The following FAM78A variants were observed in gnomAD, a reference collection of about 807,000 sequenced individuals.
FAM78A encodes the protein protein FAM78A.
FAM78A carries 12 observed loss-of-function variants against 22.6 expected under a neutral mutation model. The observed-to-expected ratio is 0.53, with a 90% confidence interval of 0.34 to 0.86. FAM78A has a LOEUF of 0.86. Among genes scored for constraint, FAM78A ranks in the 40% least tolerant of loss-of-function variants. The pLI is 0.02. For synonymous variants in FAM78A, 151 were observed against 155.8 expected, an observed-to-expected ratio of 0.97 and a Z score of 0.23; for missense variants, 322 against 396.1, an observed-to-expected ratio of 0.81 and a Z score of 1.59.
chr9:131,269,663 G>A (rs1221653030), intron 1 of FAM78A, among the ~76,000 whole-genome samples: 1 of 152,054 alleles, frequency 6.6e-6, no homozygotes, highest in Non-Finnish European at 1.5e-5. Context: ...TTTTAGTAGA[G>A]ACAGGGTTTC....
At chr9:131,270,556 G>A (rs1331656661) in intron 1 of FAM78A, 2 of 714,062 alleles carry the variant, frequency 2.8e-6, no homozygotes, top group Non-Finnish European at 2.6e-6. Flanking sequence ...TCTTTAGGCT[G>A]GGTCATCCCC....
At chr9:131,277,875 C>T (rs1374211945), upstream of FAM78A, among the ~76,000 whole-genome samples, 1 of 151,396 alleles carries the variant, frequency 6.6e-6, no homozygotes, top group East Asian at 1.9e-4. The surrounding 1 kb of genome is among the most constrained non-coding windows in gnomAD (Gnocchi z 8.4). Context: ...CCCGCGCTGC[C>T]TCGCTCTGCT....
Position 131,271,470 on chromosome 9 carries a change from G to T in FAM78A, c.323+4387C>A, listed in dbSNP as rs115615627. Among the ~76,000 whole-genome samples, 737 of 152,344 alleles carry T rather than the reference G, an allele frequency of 4.8e-3. 10 individuals carry two copies. The highest frequency in any genetic ancestry group is 0.017 in the African/African-American group (711 of 41,570). On this transcript the variant is annotated intron_variant, in intron 1 of 1. Transcript: ENST00000372271. ...TAAGGTCTTATCATCACAAGCCTATGAGAGAAGACTCATATTCCCATGTCA... is the reference window on the plus strand; with the variant it reads ...TAAGGTCTTATCATCACAAGCCTATTAGAGAAGACTCATATTCCCATGTCA...
chr9:131,269,108 A>G (rs1268789814), intron 1 of FAM78A, among the ~76,000 whole-genome samples: 1 of 151,470 alleles, frequency 6.6e-6, no homozygotes, highest in Non-Finnish European at 1.5e-5. Context: ...TCTCAAAAAA[A>G]AAAAAAAAAA....
intron 1 of FAM78A, among the ~76,000 whole-genome samples, chr9:131,268,143 C>T (rs192988722): frequency 1.3e-3 from 193 of 152,152 alleles, no homozygotes; most frequent in African/African-American, 4.3e-3. Context: ...CAGTCCCTCA[C>T]ACAGGCTGGG....
intron 1 of FAM78A, among the ~76,000 whole-genome samples, chr9:131,270,097 T>G (rs1835398876): frequency 6.7e-6 from 1 of 148,866 alleles, no homozygotes; most frequent in African/African-American, 2.5e-5. Flanking sequence ...TCCCAGCTAC[T>G]TGGGAGGCAG....
rs1835330226 is a variant in FAM78A at position 131,265,270 on chromosome 9, T to C, written c.324-3920A>G. ...TATCTTAACCACCTTTCTCCTTTTT[T>C]TTGAGACAGAGTTTCACTCTTCCTG... On this transcript the variant is annotated intron_variant, in intron 1 of 1. Coordinates refer to ENST00000372271, the MANE Select transcript of FAM78A (RefSeq NM_033387.4). The surrounding 1 kb of genome is among the most constrained non-coding windows in gnomAD (Gnocchi z 4.3). 6.6e-6 allele frequency among the ~76,000 whole-genome samples: 1 copy of C among 152,212 alleles called. No homozygotes were observed. The highest frequency in any genetic ancestry group is 1.5e-5 in the Non-Finnish European group (1 of 68,040).
intron 1 of FAM78A, among the ~76,000 whole-genome samples, chr9:131,268,785 C>T (rs1351779261): frequency 1.3e-5 from 2 of 151,632 alleles, no homozygotes; most frequent in East Asian, 1.9e-4. Context: ...CCCAGCTACT[C>T]GGGAGGCTGA....
At chr9:131,270,198 C>T in intron 1 of FAM78A, 1 of 703,848 alleles carries the variant, frequency 1.4e-6, no homozygotes, top group African/African-American at 1.8e-5. Context: ...AAGAGTGAAA[C>T]TGCATCTCAA....
At chr9:131,270,693 C>T (rs1442080529) in intron 1 of FAM78A, among the ~76,000 whole-genome samples, 1 of 152,178 alleles carries the variant, frequency 6.6e-6, no homozygotes, top group African/African-American at 2.4e-5. Flanking sequence ...AAGCCTCCTC[C>T]TCAATTGTTC....
In FAM78A at chr9:131,265,544, C is replaced by T. The variant is rs941938569; in HGVS notation, c.324-4194G>A. Among the ~76,000 whole-genome samples the T allele has an allele frequency of 8.6e-5, 13 of 151,936 alleles. No individual in the cohort carries two copies. Among genetic ancestry groups the T allele is most frequent in the African/African-American group, 2.4e-4 (10 of 41,420 alleles). On this transcript the variant is annotated intron_variant, in intron 1 of 1. Coordinates refer to ENST00000372271, the MANE Select transcript of FAM78A (RefSeq NM_033387.4). This position sits in a 1 kb window ranked among gnomAD's most constrained non-coding sequence, Gnocchi z 4.3. ...GATTACAGGCGTGAGCCACCATGCCCGGCCTAATTTTTATATTTTTTTAGT... is the reference window on the plus strand; with the variant it reads ...GATTACAGGCGTGAGCCACCATGCCTGGCCTAATTTTTATATTTTTTTAGT...
rs1835223417 is a variant in FAM78A, at chr9:131,258,919, G to GGACC, written c.*1902_*1903insGGTC. Reference sequence around the variant, plus strand: ...TGCCAGCCGGCAGCTCCAGCCCAGTGTGTCCCAGGACAGCCTCCTGGCACG... The same window carrying GGACC: ...TGCCAGCCGGCAGCTCCAGCCCAGTGGACCTGTCCCAGGACAGCCTCCTGGCACG... On this transcript the variant is annotated 3_prime_UTR_variant, in exon 2 of 2. Coordinates refer to ENST00000372271, the MANE Select transcript of FAM78A (RefSeq NM_033387.4). The GGACC allele has an allele frequency of 6.6e-6, 1 of 152,484 alleles. No individual in the cohort carries two copies. The highest frequency in any genetic ancestry group is 1.5e-5 in the Non-Finnish European group (1 of 68,040). 9.4% of individuals were successfully genotyped at this position (152,484 alleles called of 1,614,324 possible). A position where few individuals can be genotyped will look rare whatever the true frequency, so the allele number is the denominator to read the frequency against.
At position 131,258,132 on chromosome 9, in the gene FAM78A, T is replaced by TAA. The variant is rs34529035; in HGVS notation, c.*2688_*2689dup. ...ATGAATATTTGCTTTTTGTTTTTTG[T>TAA]AAAAAAAAAAAGGTTCATTGTACAT... On this transcript the variant is annotated 3_prime_UTR_variant, in exon 2 of 2. Transcript: ENST00000372271. The TAA allele has an allele frequency of 3.6e-3, 534 of 149,590 alleles. 5 individuals carry two copies. The highest frequency in any genetic ancestry group is 7.5e-3 in the African/African-American group (306 of 40,936). The allele number at this position is 149,590 out of a possible 1,614,324, so 9.3% of individuals were successfully genotyped here.
intron 1 of FAM78A, chr9:131,262,609 T>G (rs2131154135): frequency 6.6e-6 from 1 of 152,054 alleles, no homozygotes; most frequent in Non-Finnish European, 1.5e-5. Context: ...TTCCTAGAAT[T>G]AATCACAATA....
rs549643969 is a variant in FAM78A at position 131,260,667 on chromosome 9, C to T, written c.*155G>A. 1.5e-5 allele frequency: 13 copies of T among 850,452 alleles called. No individual in the cohort carries two copies. The highest frequency in any genetic ancestry group is 1.1e-4 in the East Asian group (4 of 34,878). The allele number at this position is 850,452 out of a possible 1,614,324, so 52.7% of individuals were successfully genotyped here. A position where few individuals can be genotyped will look rare whatever the true frequency, so the allele number is the denominator to read the frequency against. ...CTGAAAGGAAGCAGGTGCCGAGAGC[C>T]GGGGAGGCCTTCCCGGGGGCATCAG... On this transcript the variant is annotated 3_prime_UTR_variant, in exon 2 of 2. Transcript: ENST00000372271. The surrounding 1 kb of genome is among the most constrained non-coding windows in gnomAD (Gnocchi z 5.4).
intron 1 of FAM78A, among the ~76,000 whole-genome samples, chr9:131,269,545 C>T (rs111459518): frequency 9.2e-5 from 14 of 151,902 alleles, no homozygotes; most frequent in African/African-American, 2.9e-4. Context: ...GGCGTGATCT[C>T]GGCTCACGGT....
rs1835484101 is a variant in FAM78A at position 131,276,344 on chromosome 9, C to T, written c.-165G>A. On this transcript the variant is annotated 5_prime_UTR_variant, in exon 1 of 2. Coordinates refer to ENST00000372271, the MANE Select transcript of FAM78A (RefSeq NM_033387.4). The surrounding 1 kb of genome is among the most constrained non-coding windows in gnomAD (Gnocchi z 4.3). ...AAGGATTCTGCTGCATTTCATGAGC[C>T]CTGGGCTCTCTCTTCTTCTCCTCGC... The T allele has an allele frequency of 3.5e-6, 2 of 571,866 alleles. No homozygotes were observed. Among genetic ancestry groups the T allele is most frequent in the East Asian group, 5.8e-5 (2 of 34,592 alleles). The allele number at this position is 571,866 out of a possible 1,614,324, so 35.4% of individuals were successfully genotyped here.
At position 131,265,014 on chromosome 9, in the gene FAM78A, G is replaced by A. The variant is rs113935041; in HGVS notation, c.324-3664C>T. 3.3e-5 allele frequency among the ~76,000 whole-genome samples: 5 copies of A among 151,532 alleles called. No homozygotes were observed. Among genetic ancestry groups the A allele is most frequent in the Admixed American group, 1.3e-4 (2 of 15,228 alleles). On this transcript the variant is annotated intron_variant, in intron 1 of 1. Coordinates refer to ENST00000372271, the MANE Select transcript of FAM78A (RefSeq NM_033387.4). This position sits in a 1 kb window ranked among gnomAD's most constrained non-coding sequence, Gnocchi z 4.3. ...TCTGGGATTACAGGCGTGAGCCACC[G>A]TCCCCAGCCGAATTATTTTTATATG...
intron 1 of FAM78A, among the ~76,000 whole-genome samples, chr9:131,269,798 C>G (rs1835394363): frequency 1.3e-5 from 2 of 152,072 alleles, no homozygotes; most frequent in Admixed American, 1.3e-4. Flanking sequence ...TTATGTGCTG[C>G]TTCTCCCCTT....
Sources: allele counts gnomAD v4.1 joint callset (sites outside exome capture counted in the v4.1 genomes callset), GRCh38; gene constraint gnomAD v4.1.1; non-coding constraint Gnocchi (gnomAD v3.1); transcripts MANE v1.5; gene names NCBI Gene and HGNC (gene_info 2026-07-23, HGNC 2026-07-21).